GADL1: variants seen among roughly 807,000 people sequenced by gnomAD.
The protein encoded by GADL1 is acidic amino acid decarboxylase GADL1.
In GADL1, 71 loss-of-function variants were observed where a neutral mutation model predicts 69.5. The observed-to-expected ratio is 1.02, with a 90% CI of 0.84 to 1.25. The LOEUF (loss-of-function observed/expected upper bound fraction) is 1.25. Ranked by LOEUF, GADL1 falls within the 50% of genes most tolerant of loss-of-function variation. GADL1 has a pLI of 0.00. For missense variants in GADL1, 737 were observed against 631.8 expected (o/e 1.17, Z -1.79); for synonymous variants, 254 against 214.4 (o/e 1.18, Z -1.62).
chr3:30,861,976 G>T (rs566203973), intron 1 of GADL1, among the ~76,000 whole-genome samples: 4 of 151,980 alleles, frequency 2.6e-5, no homozygotes, highest in African/African-American at 9.6e-5. Context: ...ACAATTTATG[G>T]ATTAAGTAAA....
intron 11 of GADL1, among the ~76,000 whole-genome samples, chr3:30,819,443 C>CT (rs1049905542): frequency 3.3e-5 from 5 of 152,080 alleles, no homozygotes; most frequent in African/African-American, 1.2e-4. Context: ...ATCTTAAGCA[C>CT]TTGGGAGGTT....
At chr3:30,851,213 C>G (rs1240343817) in intron 4 of GADL1, among the ~76,000 whole-genome samples, 1 of 152,164 alleles carries the variant, frequency 6.6e-6, no homozygotes, top group African/African-American at 2.4e-5. Context: ...GCAATAAAGG[C>G]AATGCATTTG....
chr3:30,762,432 AAAC>A (rs1351591464), intron 14 of GADL1, among the ~76,000 whole-genome samples: 4 of 152,228 alleles, frequency 2.6e-5, no homozygotes, highest in African/African-American at 9.6e-5. Context: ...GTACTTCAAC[AAAC>A]AACTTCAAAG....
At position 30,845,970 on chromosome 3, in the gene GADL1, T is replaced by G. The variant is rs568917446; in HGVS notation, c.652-1504A>C. Among the ~76,000 whole-genome samples, 4 of 152,098 alleles carry G rather than the reference T, an allele frequency of 2.6e-5. No homozygotes were observed. In the South Asian group the frequency reaches 8.3e-4, roughly 32 times the overall value. The stretch of plus-strand genomic sequence containing the variant: ...CCAATGAATCTGCTGAATAAAAATC[T>G]TGTAATCAGAATTAGAAAAGTGGAG... On this transcript the variant is annotated intron_variant, in intron 6 of 14. Transcript: ENST00000282538.
Position 30,837,866 on chromosome 3 carries a change from C to G in GADL1, c.903+1131G>C, listed in dbSNP as rs17026651. Among the ~76,000 whole-genome samples, 1,882 of 152,134 alleles carry G rather than the reference C, an allele frequency of 0.012. 161 individuals carry two copies. The East Asian group carries it at 0.25, about 20-fold the overall frequency. On this transcript the variant is annotated intron_variant, in intron 9 of 14. Coordinates refer to ENST00000282538, the MANE Select transcript of GADL1 (RefSeq NM_207359.3). ...GATACAAATGCTAAAATCCCGTTAACGAGTCACGGATAATCTACCTCAAGT... is the reference window on the plus strand; with the variant it reads ...GATACAAATGCTAAAATCCCGTTAAGGAGTCACGGATAATCTACCTCAAGT...
At chr3:30,737,658 G>T (rs1350520400) in intron 14 of GADL1, among the ~76,000 whole-genome samples, 1 of 152,000 alleles carries the variant, frequency 6.6e-6, no homozygotes, top group Non-Finnish European at 1.5e-5. Flanking sequence ...AAAATTGGTG[G>T]TCTATAGCCC....
At chr3:30,773,450 C>T (rs1696464607) in intron 14 of GADL1, among the ~76,000 whole-genome samples, 2 of 152,014 alleles carry the variant, frequency 1.3e-5, no homozygotes, top group Non-Finnish European at 2.9e-5. Context: ...TTTCAAATTG[C>T]AGAGAAATAT....
intron 6 of GADL1, among the ~76,000 whole-genome samples, chr3:30,848,367 GA>G (rs1698089451): frequency 1.3e-5 from 2 of 152,190 alleles, no homozygotes; most frequent in African/African-American, 4.8e-5. Flanking sequence ...AGAGTGAGAG[GA>G]AAACATGAGA....
chr3:30,881,448 T>G (rs1203340189), intron 1 of GADL1, among the ~76,000 whole-genome samples: 1 of 151,874 alleles, frequency 6.6e-6, no homozygotes, highest in Non-Finnish European at 1.5e-5. Context: ...TGGCTAAGCT[T>G]GTTAAATGCA....
chr3:30,734,175 G>A (rs994932468), intron 14 of GADL1, among the ~76,000 whole-genome samples: 1 of 152,186 alleles, frequency 6.6e-6, no homozygotes, highest in Non-Finnish European at 1.5e-5. Context: ...AAGGTCTTCA[G>A]AACCATGTTA....
Position 30,728,320 on chromosome 3 carries a change from C to A in GADL1, c.1488G>T (p.Val496=). 6.2e-7 allele frequency: 1 copy of A among 1,613,948 alleles called. No homozygotes were observed. Among genetic ancestry groups the A allele is most frequent in the Non-Finnish European group, 8.5e-7 (1 of 1,179,864 alleles). The stretch of plus-strand genomic sequence containing the variant: ...CCCGGCTCACTTGAGGGCTGATCAC[C>A]ACCTGGCGGAAGAAGTTGACCTTTC... ...HRGKVNFFRQ[V]VISPQVSRED... is the part of the protein sequence containing the mutation. The change falls in exon 15 of 15, where the codon GTG becomes GTT. Residue 496 remains valine (V), a synonymous_variant. Transcript: ENST00000282538.
In GADL1 at chr3:30,726,839, G is replaced by T. The variant is rs1456573815; in HGVS notation, c.*1403C>A. On this transcript the variant is annotated 3_prime_UTR_variant, in exon 15 of 15. Transcript: ENST00000282538. ...AACTCTCCTAGAAACCTAGGACCAGGGTCAGAGATAGAATTAAAATCACCC... is the reference window on the plus strand; with the variant it reads ...AACTCTCCTAGAAACCTAGGACCAGTGTCAGAGATAGAATTAAAATCACCC... 2 of 152,110 alleles carry T rather than the reference G, an allele frequency of 1.3e-5. No homozygotes were observed. Among genetic ancestry groups the T allele is most frequent in the Non-Finnish European group, 2.9e-5 (2 of 67,974 alleles). The allele number at this position is 152,110 out of a possible 1,614,324, so 9.4% of individuals were successfully genotyped here.
intron 4 of GADL1, among the ~76,000 whole-genome samples, chr3:30,853,671 A>G (rs1434504743): frequency 6.6e-6 from 1 of 152,132 alleles, no homozygotes; most frequent in Non-Finnish European, 1.5e-5. Flanking sequence ...CCTAGCTATG[A>G]AAGCCAGAAA....
At chr3:30,813,255 C>T (rs753856383) in intron 11 of GADL1, among the ~76,000 whole-genome samples, 2 of 152,148 alleles carry the variant, frequency 1.3e-5, no homozygotes, top group Non-Finnish European at 2.9e-5. Flanking sequence ...CACTGCAGCC[C>T]ACCTCCTGGA....
intron 11 of GADL1, among the ~76,000 whole-genome samples, chr3:30,816,236 G>A (rs1426182188): frequency 1.3e-5 from 2 of 152,168 alleles, no homozygotes; most frequent in East Asian, 3.9e-4. Flanking sequence ...AAAGCAGAAA[G>A]GCCCCCTGGA....
At chr3:30,769,434 CTGAGG>C (rs1166324249) in intron 14 of GADL1, among the ~76,000 whole-genome samples, 5 of 152,114 alleles carry the variant, frequency 3.3e-5, no homozygotes, top group Admixed American at 3.3e-4. Flanking sequence ...AAGAGGGAAG[CTGAGG>C]ATGATTCCTA....
At chr3:30,837,290 C>T (rs1273167082) in intron 9 of GADL1, among the ~76,000 whole-genome samples, 1 of 151,998 alleles carries the variant, frequency 6.6e-6, no homozygotes, top group African/African-American at 2.4e-5. Context: ...TCAAGATAAG[C>T]TACATGTTCC....
At chr3:30,814,982 A>AT (rs71744579) in intron 11 of GADL1, among the ~76,000 whole-genome samples, 73 of 141,652 alleles carry the variant, frequency 5.2e-4, no homozygotes, top group African/African-American at 1.7e-3. Flanking sequence ...AAAAAAAAAA[A>AT]TTTTTTTCAT....
At chr3:30,752,046 G>A (rs1018082551) in intron 14 of GADL1, among the ~76,000 whole-genome samples, 5 of 152,288 alleles carry the variant, frequency 3.3e-5, no homozygotes, top group African/African-American at 1.2e-4. Context: ...TGCTTCTAAA[G>A]GCTACCCAGG....
Sources: gnomAD v4.1 joint callset for allele counts (sites outside exome capture counted in the v4.1 genomes callset) on GRCh38, gnomAD v4.1.1 for gene constraint, MANE v1.5 for transcripts, NCBI Gene and HGNC (gene_info 2026-07-23, HGNC 2026-07-21) for gene names.